Variants in SNX25 observed in about 807,000 individuals in gnomAD.
SNX25 encodes sorting nexin 25.
SNX25 carries 62 observed loss-of-function variants against 113.7 expected under a neutral mutation model. The ratio of observed to expected loss-of-function variants is 0.55; its 90% CI spans 0.44 to 0.67. The LOEUF (loss-of-function observed/expected upper bound fraction) is 0.67. Among genes scored for constraint, SNX25 ranks in the 30% least tolerant of loss-of-function variants. SNX25 has a pLI of 0.00. For synonymous variants in SNX25, 421 were observed against 436.2 expected (o/e 0.97, Z 0.43); for missense variants, 1,014 against 1,161.0 (o/e 0.87, Z 1.84).
intron 7 of SNX25, among the ~76,000 whole-genome samples, chr4:185,314,324 C>CAAA (rs35324892): frequency 2.3e-4 from 17 of 75,300 alleles, no homozygotes; most frequent in East Asian, 6.8e-4. Context: ...CCCCTCTCTA[C>CAAA]AAAAAAAAAA....
chr4:185,342,230 G>C, intron 12 of SNX25, 114 bp downstream of exon 12: 1 of 1,234,188 alleles, frequency 8.1e-7, no homozygotes, highest in Non-Finnish European at 1.1e-6. Flanking sequence ...CTGGCACAGT[G>C]GCATTTTCAT....
rs192057089 is a variant in SNX25 at position 185,215,146 on chromosome 4, G to A, written c.429+4891G>A. The stretch of plus-strand genomic sequence containing the variant: ...CGGGAGGCTGAGGCAGGAGAATGGC[G>A]TGAACCCGGGAGGCGGAGCTTGCAG... On this transcript the variant is annotated intron_variant, in intron 1 of 18. Coordinates refer to ENST00000652585, the MANE Select transcript of SNX25 (RefSeq NM_001378034.2). Among the ~76,000 whole-genome samples, 902 of 152,126 alleles carry A rather than the reference G, an allele frequency of 5.9e-3. 22 individuals are homozygous for A. The highest frequency in any genetic ancestry group is 0.057 in the South Asian group (273 of 4,818).
chr4:185,311,061 A>G (rs954312335), intron 7 of SNX25, among the ~76,000 whole-genome samples: 7 of 152,014 alleles, frequency 4.6e-5, no homozygotes, highest in Non-Finnish European at 7.4e-5. Context: ...ATATTTTTCC[A>G]TCTTCCCTTT....
chr4:185,283,715 A>G (rs1000864311), intron 5 of SNX25, among the ~76,000 whole-genome samples: 3 of 152,186 alleles, frequency 2.0e-5, no homozygotes, highest in African/African-American at 7.2e-5. Flanking sequence ...GAGACCTTGT[A>G]TAGATCTCAT....
intron 5 of SNX25, among the ~76,000 whole-genome samples, chr4:185,274,513 C>T (rs1749387577): frequency 6.6e-6 from 1 of 152,156 alleles, no homozygotes; most frequent in Non-Finnish European, 1.5e-5. Flanking sequence ...ACTTAGAAAG[C>T]AGGAAGAATG....
intron 5 of SNX25, among the ~76,000 whole-genome samples, chr4:185,284,969 A>G (rs1344617615): frequency 6.6e-6 from 1 of 152,178 alleles, no homozygotes; most frequent in African/African-American, 2.4e-5. Context: ...CTAGTAGAGA[A>G]ACGGAAAGGT....
At chr4:185,344,826 T>A (rs1303622890) in intron 12 of SNX25, among the ~76,000 whole-genome samples, 1 of 152,232 alleles carries the variant, frequency 6.6e-6, no homozygotes, top group Non-Finnish European at 1.5e-5. Flanking sequence ...CTTCAACTGC[T>A]TTTTAAGGAT....
At chr4:185,239,471 G>A (rs1408274180) in intron 1 of SNX25, among the ~76,000 whole-genome samples, 7 of 152,096 alleles carry the variant, frequency 4.6e-5, no homozygotes, top group Non-Finnish European at 4.4e-5. Context: ...AACAGAGTGA[G>A]ACTCCGTCTC....
At chr4:185,368,923 AGC>A, downstream of SNX25, among the ~76,000 whole-genome samples, 1 of 150,908 alleles carries the variant, frequency 6.6e-6, no homozygotes, top group Non-Finnish European at 1.5e-5. Context: ...CCTCCCGAGT[AGC>A]TGGGACTATG....
chr4:185,359,874 AG>A (rs1196998493), intron 16 of SNX25, among the ~76,000 whole-genome samples: 1 of 152,212 alleles, frequency 6.6e-6, no homozygotes, highest in Non-Finnish European at 1.5e-5. Flanking sequence ...GATGGAGAAG[AG>A]GCACATGTAG....
At chr4:185,332,876 T>C in intron 10 of SNX25, 117 bp downstream of exon 10, 1 of 1,064,548 alleles carries the variant, frequency 9.4e-7, no homozygotes, top group Non-Finnish European at 1.3e-6. Flanking sequence ...ATGAACAAGT[T>C]CCATTGTTAT....
chr4:185,206,762 G>C (rs1041615540), upstream of SNX25, among the ~76,000 whole-genome samples: 2 of 151,438 alleles, frequency 1.3e-5, no homozygotes, highest in African/African-American at 2.4e-5. Context: ...GAATTTATTA[G>C]AGGAATTGGC....
chr4:185,257,351 C>G (rs573404825), intron 2 of SNX25, among the ~76,000 whole-genome samples: 45 of 152,252 alleles, frequency 3.0e-4, no homozygotes, highest in African/African-American at 1.0e-3. Context: ...TTCTTGCAAA[C>G]ATCACACTGG....
chr4:185,358,051 G>A (rs982487302), intron 16 of SNX25, among the ~76,000 whole-genome samples: 16 of 152,180 alleles, frequency 1.1e-4, no homozygotes, highest in African/African-American at 3.9e-4. Context: ...TGAGTAGAAT[G>A]TTTTTATGTC....
intron 9 of SNX25, among the ~76,000 whole-genome samples, chr4:185,329,551 C>T (rs532958091): frequency 2.2e-4 from 34 of 152,252 alleles, no homozygotes; most frequent in African/African-American, 7.9e-4. Flanking sequence ...ACCTGACTTT[C>T]GTGGGTACCG....
chr4:185,253,558 C>A (rs998064805), intron 2 of SNX25, among the ~76,000 whole-genome samples: 26 of 151,948 alleles, frequency 1.7e-4, no homozygotes, highest in African/African-American at 5.8e-4. Flanking sequence ...ACCTCCGCCT[C>A]CTGGGTTCAA....
intron 2 of SNX25, among the ~76,000 whole-genome samples, chr4:185,253,631 G>T (rs1376240579): frequency 6.6e-6 from 1 of 151,960 alleles, no homozygotes; most frequent in African/African-American, 2.4e-5. Flanking sequence ...ACCACGCCCG[G>T]CTAATTTTTG....
intron 5 of SNX25, among the ~76,000 whole-genome samples, chr4:185,283,014 A>T (rs1750853872): frequency 6.6e-6 from 1 of 152,244 alleles, no homozygotes; most frequent in Non-Finnish European, 1.5e-5. Flanking sequence ...TGAGAAAGTC[A>T]ATCATTTCCT....
chr4:185,212,492 T>TGTGTGTTTTTG (rs1491296342), intron 1 of SNX25, among the ~76,000 whole-genome samples: 2 of 27,882 alleles, frequency 7.2e-5, no homozygotes, highest in African/African-American at 1.2e-4. Context: ...TGTGTGTGTG[T>TGTGTGTTTTTG]TTTTTTTTTT....
Sources: allele counts gnomAD v4.1 joint callset (sites outside exome capture counted in the v4.1 genomes callset), GRCh38; gene constraint gnomAD v4.1.1; transcripts MANE v1.5; gene names NCBI Gene and HGNC (gene_info 2026-07-23, HGNC 2026-07-21).